HIVEP1: variants seen among roughly 807,000 people sequenced by gnomAD.
HIVEP1 encodes the protein zinc finger protein 40.
HIVEP1 carries 36 observed loss-of-function variants against 180.0 expected under a neutral mutation model. The ratio of observed to expected loss-of-function variants is 0.20; its 90% confidence interval spans 0.15 to 0.26. HIVEP1 has a LOEUF of 0.26. Among genes scored for constraint, HIVEP1 ranks in the 10% least tolerant of loss-of-function variants. The probability of loss-of-function intolerance (pLI) is 1.00; values close to 1 mark genes in which losing one functional copy is unlikely to be tolerated. For synonymous variants in HIVEP1, 1,239 were observed against 1,239.0 expected (o/e 1.00, Z 0.00); for missense variants, 3,143 against 3,268.7 (o/e 0.96, Z 0.94).
chr6:12,142,817 T>TCC (rs1759132616), intron 7 of HIVEP1, among the ~76,000 whole-genome samples: 1 of 152,072 alleles, frequency 6.6e-6, no homozygotes, highest in African/African-American at 2.4e-5. Flanking sequence ...ACATACACCC[T>TCC]CCCAAGACTA....
At position 12,164,653 on chromosome 6, in the gene HIVEP1, G is replaced by T. The variant is rs770649122; in HGVS notation, c.*192G>T. On this transcript the variant is annotated 3_prime_UTR_variant, in exon 9 of 9. Transcript: ENST00000379388. ...TTGTACATGTTGTATAGACAATTGT[G>T]CCTTTTAGGAGCTTTATGTTTAGAA... The T allele has an allele frequency of 7.7e-6, 4 of 522,000 alleles. No homozygotes were observed. Among genetic ancestry groups the T allele is most frequent in the Non-Finnish European group, 1.3e-5 (4 of 299,564 alleles). 32.3% of individuals were successfully genotyped at this position (522,000 alleles called of 1,614,324 possible).
intron 2 of HIVEP1, among the ~76,000 whole-genome samples, chr6:12,069,453 G>A (rs1300753767): frequency 6.6e-6 from 1 of 151,624 alleles, no homozygotes; most frequent in Non-Finnish European, 1.5e-5. Flanking sequence ...TGTATACTTA[G>A]GATATACTCA....
intron 2 of HIVEP1, among the ~76,000 whole-genome samples, chr6:12,085,373 A>G (rs1046522659): frequency 6.6e-6 from 1 of 152,070 alleles, no homozygotes; most frequent in Non-Finnish European, 1.5e-5. Context: ...TTGAGCCTGG[A>G]CTTCACTGTG....
chr6:12,103,520 T>C (rs1406355090), intron 3 of HIVEP1, among the ~76,000 whole-genome samples: 1 of 151,832 alleles, frequency 6.6e-6, no homozygotes. Flanking sequence ...GTTTCTAGTT[T>C]AGACAACTGC....
At chr6:12,170,965 T>C in the HIVEP1 span, among the ~76,000 whole-genome samples, 1,022 of 152,206 alleles carry the variant, frequency 6.7e-3, 9 homozygotes, top group African/African-American at 0.024. Flanking sequence ...CTGAATAAAA[T>C]AGAGGAAACA....
chr6:12,056,351 T>A (rs1770869999), intron 2 of HIVEP1, among the ~76,000 whole-genome samples: 1 of 152,170 alleles, frequency 6.6e-6, no homozygotes, highest in Non-Finnish European at 1.5e-5. Context: ...AAGATTAATA[T>A]TAATAATAAT....
At chr6:12,107,764 A>G (rs980870437) in intron 3 of HIVEP1, among the ~76,000 whole-genome samples, 4 of 152,074 alleles carry the variant, frequency 2.6e-5, no homozygotes, top group Non-Finnish European at 5.9e-5. Flanking sequence ...GTAGAAGGGG[A>G]CCCGAGCGGG....
rs1757767566 is a variant in HIVEP1, at chr6:12,122,829, C to T, written c.3034C>T (p.His1012Tyr). Residue 1012 changes from histidine (H) to tyrosine (Y), a missense_variant, in exon 4 of 9, where the codon CAC becomes TAC. Physicochemically the swap from His to Tyr is moderately conservative, Grantham distance 83. Around this residue, in one of 12 missense-constraint regions of HIVEP1, gnomAD observed 1,357 missense variants for 1,260.5 expected, o/e 1.08. Transcript: ENST00000379388. ...VPGGLQPQILHYRVAGSSGIW... is the reference protein window; with the variant it reads ...VPGGLQPQILYYRVAGSSGIW... ...CGGCGGTCTGCAGCCTCAGATTCTA[C>T]ACTACAGAGTCGCTGGGTCCTCCGG... 6.2e-7 allele frequency: 1 copy of T among 1,614,068 alleles called. No homozygotes were observed. The highest frequency in any genetic ancestry group is 1.3e-5 in the African/African-American group (1 of 75,008).
intron 3 of HIVEP1, among the ~76,000 whole-genome samples, chr6:12,096,044 A>AT (rs151194458): frequency 0.017 from 2,544 of 151,560 alleles, 87 homozygotes; most frequent in African/African-American, 0.057. Flanking sequence ...TTGCATTATG[A>AT]TTTTTTTTTA....
At chr6:12,176,658 C>T in the HIVEP1 span, among the ~76,000 whole-genome samples, 1 of 152,130 alleles carries the variant, frequency 6.6e-6, no homozygotes, top group Non-Finnish European at 1.5e-5. Context: ...TACTCTCCAT[C>T]CTTTAAAAAG....
chr6:12,036,867 C>T (rs1035938135), intron 2 of HIVEP1, among the ~76,000 whole-genome samples: 2 of 152,206 alleles, frequency 1.3e-5, no homozygotes, highest in African/African-American at 4.8e-5. Context: ...GAGATTGCAC[C>T]ACTGCACTCC....
chr6:12,038,839 A>T (rs1438250170), intron 2 of HIVEP1: 1 of 152,234 alleles, frequency 6.6e-6, no homozygotes, highest in African/African-American at 2.4e-5. Flanking sequence ...AGAGTTTTGG[A>T]TCTCTACTCT....
intron 2 of HIVEP1, among the ~76,000 whole-genome samples, chr6:12,028,138 G>T (rs1373373727): frequency 6.6e-6 from 1 of 151,448 alleles, no homozygotes; most frequent in Non-Finnish European, 1.5e-5. Context: ...TATGAGAATC[G>T]GTAACTGTTA....
Position 12,043,772 on chromosome 6 carries a change from G to A in HIVEP1, c.40+28104G>A, listed in dbSNP as rs554853691. 4.6e-5 allele frequency among the ~76,000 whole-genome samples: 7 copies of A among 152,304 alleles called. No homozygotes were observed. In the East Asian group the frequency reaches 7.7e-4, roughly 17 times the overall value. On this transcript the variant is annotated intron_variant, in intron 2 of 8. Transcript: ENST00000379388. The stretch of plus-strand genomic sequence containing the variant: ...GTGCAGAAGTTCTCGTTGAACCGAC[G>A]CTGATCAGCGTCCCCTTGCTGTGTT...
At chr6:12,020,118 A>G in intron 2 of HIVEP1, 1 of 279,040 alleles carries the variant, frequency 3.6e-6, no homozygotes, top group Non-Finnish European at 7.4e-6. Flanking sequence ...CATAAGTGAG[A>G]CAGTGTCCGA....
chr6:12,167,248 T>G (rs1370045714), downstream of HIVEP1, among the ~76,000 whole-genome samples: 1 of 152,086 alleles, frequency 6.6e-6, no homozygotes. Flanking sequence ...ATAATCATTA[T>G]TTTTGTTGGA....
Position 12,121,420 on chromosome 6 carries a change from T to C in HIVEP1, c.1625T>C (p.Ile542Thr), listed in dbSNP as rs148587775. 3.2e-5 allele frequency: 52 copies of C among 1,614,138 alleles called. No homozygotes were observed. In the African/African-American group the frequency reaches 6.0e-4, roughly 19 times the overall value. Residue 542 changes from isoleucine to threonine, a missense_variant, in exon 4 of 9, where the codon ATA becomes ACA. Physicochemically the swap from Ile to Thr is moderately conservative, Grantham distance 89 (BLOSUM62 -1). This residue lies in a region of HIVEP1 where 365 missense variants were observed against 344.4 expected (regional missense o/e 1.06). Coordinates refer to ENST00000379388, the MANE Select transcript of HIVEP1 (RefSeq NM_002114.4). This position sits in a 1 kb window ranked among gnomAD's most constrained non-coding sequence, Gnocchi z 5.3. ...SFTPSSPENV[I>T]GDFLLQDRSA... ...ACTCCAAGCAGTCCAGAAAATGTGA[T>C]AGGTGACTTTTTGCTACAGGACAGA...
At chr6:12,190,252 T>TATC in the HIVEP1 span, among the ~76,000 whole-genome samples, 17 of 152,272 alleles carry the variant, frequency 1.1e-4, no homozygotes, top group African/African-American at 3.6e-4. Context: ...CGTTCATATG[T>TATC]ATCATTTTTA....
At chr6:12,167,821 T>C (rs1760768250), downstream of HIVEP1, among the ~76,000 whole-genome samples, 1 of 145,484 alleles carries the variant, frequency 6.9e-6, no homozygotes, top group South Asian at 2.1e-4. Context: ...TAGATGTGCG[T>C]ATATAATATG....
Sources: gnomAD v4.1 joint callset for allele counts (sites outside exome capture counted in the v4.1 genomes callset) on GRCh38, gnomAD v4.1.1 for gene constraint, gnomAD v4.1.1 regional missense constraint, Gnocchi (gnomAD v3.1) non-coding constraint, MANE v1.5 for transcripts, NCBI Gene and HGNC (gene_info 2026-07-23, HGNC 2026-07-21) for gene names.